Variants in BMP3 observed in about 807,000 individuals in gnomAD.
BMP3 encodes bone morphogenetic protein 3 (osteogenic).
A neutral mutation model predicts 38.1 loss-of-function variants in BMP3; 23 were observed. That is an observed-to-expected ratio of 0.60 (90% CI 0.43 to 0.86). The LOEUF is 0.86. Among genes scored for constraint, BMP3 ranks in the 40% least tolerant of loss-of-function variants. BMP3 has a pLI of 0.00. For synonymous variants in BMP3, 258 were observed against 225.7 expected (o/e 1.14, Z -1.28); for missense variants, 628 against 579.6 (o/e 1.08, Z -0.86).
At chr4:81,032,983 A>G (rs1428254635) in intron 1 of BMP3, among the ~76,000 whole-genome samples, 1 of 152,230 alleles carries the variant, frequency 6.6e-6, no homozygotes, top group Non-Finnish European at 1.5e-5. Context: ...CTGTCCTGAC[A>G]GCTGACTACA....
intron 1 of BMP3, among the ~76,000 whole-genome samples, chr4:81,040,455 A>T (rs1740039581): frequency 6.6e-6 from 1 of 152,216 alleles, no homozygotes; most frequent in Non-Finnish European, 1.5e-5. Context: ...TTTGAAAGTC[A>T]TGACTTATAT....
intron 1 of BMP3, among the ~76,000 whole-genome samples, chr4:81,038,877 A>T (rs543210602): frequency 6.6e-6 from 1 of 152,334 alleles, no homozygotes; most frequent in South Asian, 2.1e-4. Context: ...CAGCACTCAC[A>T]GTCTAGGAAT....
chr4:81,046,603 T>G lies in BMP3; in HGVS notation c.1182T>G (p.Phe394Leu). The G allele has an allele frequency of 6.2e-7, 1 of 1,614,016 alleles. No homozygotes were observed. Among genetic ancestry groups the G allele is most frequent in the Non-Finnish European group, 8.5e-7 (1 of 1,179,944 alleles). The change falls in exon 2 of 3, where the codon TTT (phenylalanine) becomes TTG (leucine). Residue 394 changes from phenylalanine (F) to leucine (L), a missense_variant. By Grantham distance (22) the Phe-to-Leu change is conservative (BLOSUM62 0). Coordinates refer to ENST00000282701, the MANE Select transcript of BMP3 (RefSeq NM_001201.5). ...WSEWIISPKSFDAYYCSGACQ... is the reference protein window; with the variant it reads ...WSEWIISPKSLDAYYCSGACQ... ...AATGGATTATCTCCCCCAAGTCCTT[T>G]GATGCCTATTATTGCTCTGGAGCAT... is the stretch of plus-strand genomic sequence containing the variant.
At chr4:81,034,596 T>C (rs928567713) in intron 1 of BMP3, among the ~76,000 whole-genome samples, 1 of 152,138 alleles carries the variant, frequency 6.6e-6, no homozygotes, top group Non-Finnish European at 1.5e-5. Context: ...CACATGTTGT[T>C]AGGAAACTTT....
At chr4:81,036,295 T>C (rs1739922706) in intron 1 of BMP3, among the ~76,000 whole-genome samples, 1 of 152,036 alleles carries the variant, frequency 6.6e-6, no homozygotes, top group African/African-American at 2.4e-5. Flanking sequence ...TTACTTAAGA[T>C]GTCAATCAAA....
chr4:81,055,164 G>A lies in BMP3; in HGVS notation c.*1628G>A, dbSNP rs1740515971. ...ACCCGTCTTCCTTGAAGGAATGATA[G>A]TGATAGATATAAAAACACTGTAAGT... is the stretch of plus-strand genomic sequence containing the variant. On this transcript the variant is annotated 3_prime_UTR_variant, in exon 3 of 3. Coordinates refer to ENST00000282701, the MANE Select transcript of BMP3 (RefSeq NM_001201.5). 1 of 152,202 alleles carries A rather than the reference G, an allele frequency of 6.6e-6. No individual in the cohort carries two copies. Among genetic ancestry groups the A allele is most frequent in the African/African-American group, 2.4e-5 (1 of 41,456 alleles). The allele number at this position is 152,202 out of a possible 1,614,324, so 9.4% of individuals were successfully genotyped here.
At position 81,031,572 on chromosome 4, in the gene BMP3, G is replaced by T. The variant is rs1319073348; in HGVS notation, c.288G>T (p.Thr96=). 2 of 1,606,806 alleles carry T rather than the reference G, an allele frequency of 1.2e-6. No individual in the cohort carries two copies. The highest frequency in any genetic ancestry group is 1.7e-5 in the Admixed American group (1 of 59,354). The change falls in exon 1 of 3, where the codon ACG becomes ACT. Residue 96 remains threonine, a synonymous_variant. Transcript: ENST00000282701. ...CTCGGCTCCTGCGCGAAGGCAACACGGTTCGCAGCTTTCGGGCGGCAGCAG... is the reference window on the plus strand; with the variant it reads ...CTCGGCTCCTGCGCGAAGGCAACACTGTTCGCAGCTTTCGGGCGGCAGCAG... ...WRPRLLREGN[T]VRSFRAAAAE... is the part of the protein sequence containing the mutation.
At position 81,046,226 on chromosome 4, in the gene BMP3, A is replaced by G; in HGVS notation, c.805A>G (p.Thr269Ala). 1 of 1,614,114 alleles carries G rather than the reference A, an allele frequency of 6.2e-7. No homozygotes were observed. Among genetic ancestry groups the G allele is most frequent in the East Asian group, 2.2e-5 (1 of 44,872 alleles). Residue 269 changes from threonine (T) to alanine (A), a missense_variant, in exon 2 of 3, where the codon ACT (threonine) becomes GCT (alanine). Coordinates refer to ENST00000282701, the MANE Select transcript of BMP3 (RefSeq NM_001201.5). ...GGGACACCGGAATTTTCCCACTGGA[A>G]CTGTTCCCAAATGGGATAGCCACAT... ...LQGHRNFPTG[T>A]VPKWDSHIRA...
chr4:81,039,723 T>C lies in BMP3; in HGVS notation c.317-6015T>C, dbSNP rs556774443. Among the ~76,000 whole-genome samples, 11 of 152,344 alleles carry C rather than the reference T, an allele frequency of 7.2e-5. No homozygotes were observed. The South Asian group carries it at 2.3e-3, about 32-fold the overall frequency. ...GCTTGCTAACTCCTAGGGTCCTTCA[T>C]GTTTGCATTTCTCTAATGAGTAGGT... On this transcript the variant is annotated intron_variant, in intron 1 of 2. Transcript: ENST00000282701.
chr4:81,032,768 ATAT>A (rs1325843740), intron 1 of BMP3, among the ~76,000 whole-genome samples: 7 of 152,242 alleles, frequency 4.6e-5, no homozygotes, highest in African/African-American at 1.4e-4. Flanking sequence ...CTGTGTAAAT[ATAT>A]TCTAGAGCTT....
In BMP3 at chr4:81,031,078, G is replaced by C; in HGVS notation, c.-207G>C. The C allele has an allele frequency of 1.7e-6, 1 of 572,756 alleles. No individual in the cohort carries two copies. The highest frequency in any genetic ancestry group is 3.0e-6 in the Non-Finnish European group (1 of 334,278). 35.5% of individuals were successfully genotyped at this position (572,756 alleles called of 1,614,324 possible). On this transcript the variant is annotated 5_prime_UTR_variant, in exon 1 of 3. Transcript: ENST00000282701. ...CGGGTGAGGTCCGCGCAGCTGCTGG[G>C]GAAGAGCCCACCTGTCAGGCTGCGC... is the stretch of plus-strand genomic sequence containing the variant.
intron 2 of BMP3, among the ~76,000 whole-genome samples, chr4:81,050,734 C>T (rs1740381226): frequency 6.6e-6 from 1 of 152,078 alleles, no homozygotes; most frequent in Non-Finnish European, 1.5e-5. Context: ...TCTTGATGTG[C>T]TAAGTTACTT....
At chr4:81,053,282 G>C in intron 2 of BMP3, 63 bp from the exon 3 acceptor site, 1 of 1,224,668 alleles carries the variant, frequency 8.2e-7, no homozygotes, top group Non-Finnish European at 1.1e-6. Context: ...GTGTAATGAG[G>C]ACTGAGGAGT....
At chr4:81,051,254 C>T (rs2109912835) in intron 2 of BMP3, among the ~76,000 whole-genome samples, 1 of 152,268 alleles carries the variant, frequency 6.6e-6, no homozygotes, top group East Asian at 1.9e-4. Context: ...TGCACAGAAA[C>T]TTGTATTTGT....
rs1373703556 is a variant in BMP3, at chr4:81,031,406, C to G, written c.122C>G (p.Thr41Arg). 2 of 1,613,732 alleles carry G rather than the reference C, an allele frequency of 1.2e-6. No individual in the cohort carries two copies. Among genetic ancestry groups the G allele is most frequent in the East Asian group, 2.2e-5 (1 of 44,846 alleles). Reference protein sequence around the residue: ...ELRKAVPGDRTAGGGPDSELQ... With the variant: ...ELRKAVPGDRRAGGGPDSELQ... ...CGCAAAGCTGTGCCAGGTGACCGCA[C>G]GGCAGGTGGTGGCCCGGACTCCGAG... Residue 41 changes from threonine (T) to arginine (R), a missense_variant, in exon 1 of 3, where the codon ACG becomes AGG. Thr to Arg is a moderately conservative substitution (Grantham distance 71, BLOSUM62 -1). Transcript: ENST00000282701.
chr4:81,050,601 C>T (rs1256005411), intron 2 of BMP3, among the ~76,000 whole-genome samples: 1 of 151,712 alleles, frequency 6.6e-6, no homozygotes, highest in Non-Finnish European at 1.5e-5. Context: ...CACTTTGAAC[C>T]AAGTATTCCA....
intron 1 of BMP3, among the ~76,000 whole-genome samples, chr4:81,032,194 CA>C (rs5859748): frequency 2.5e-3 from 188 of 74,014 alleles, no homozygotes; most frequent in African/African-American, 7.4e-3. Context: ...TCCTTAGTGG[CA>C]AAAAAAAAAA....
intron 2 of BMP3, 130 bp downstream of exon 2, chr4:81,046,778 C>A: frequency 1.0e-6 from 1 of 993,800 alleles, no homozygotes. Flanking sequence ...CCATTGGGAC[C>A]CTTATTTACT....
Position 81,030,780 on chromosome 4 carries a change from A to G in BMP3, c.-505A>G, listed in dbSNP as rs1237081318. ...GCGCACACACACACACACGTACACT[A>G]AAAAACTCGGACCAGCCGCGCCGCA... On this transcript the variant is annotated 5_prime_UTR_variant, in exon 1 of 3. Transcript: ENST00000282701. Among the ~76,000 whole-genome samples the G allele has an allele frequency of 6.6e-6, 1 of 151,816 alleles. No homozygotes were observed. Among genetic ancestry groups the G allele is most frequent in the Non-Finnish European group, 1.5e-5 (1 of 67,910 alleles).
Sources: allele counts gnomAD v4.1 joint callset (sites outside exome capture counted in the v4.1 genomes callset), GRCh38; gene constraint gnomAD v4.1.1; transcripts MANE v1.5; gene names NCBI Gene and HGNC (gene_info 2026-07-23, HGNC 2026-07-21).